HMCN2: variants seen among roughly 807,000 people sequenced by gnomAD.
HMCN2 encodes hemicentin-2.
In HMCN2, 325 loss-of-function variants were observed where a neutral mutation model predicts 377.5. That is an observed-to-expected ratio of 0.86 (90% confidence interval 0.79 to 0.94). HMCN2 has a LOEUF of 0.94. HMCN2 is among the 40% of genes least tolerant of loss of function. The pLI, the probability that HMCN2 is intolerant of heterozygous loss-of-function variation, is 0.00. For missense variants in HMCN2, 4,543 were observed against 4,725.3 expected, an observed-to-expected ratio of 0.96 and a Z score of 1.13; for synonymous variants, 2,007 against 2,046.8, an observed-to-expected ratio of 0.98 and a Z score of 0.53.
intron 1 of HMCN2, among the ~76,000 whole-genome samples, chr9:130,277,678 A>G (rs2131242165): frequency 6.6e-6 from 1 of 151,788 alleles, no homozygotes; most frequent in South Asian, 2.1e-4. Flanking sequence ...TAACATCACT[A>G]TTACCACCAT....
At chr9:130,268,393 G>C (rs989700554) in intron 1 of HMCN2, among the ~76,000 whole-genome samples, 1 of 124,424 alleles carries the variant, frequency 8.0e-6, no homozygotes, top group Admixed American at 7.7e-5. Flanking sequence ...AGACGTCGGG[G>C]AGACTTCAGC....
intron 22 of HMCN2, among the ~76,000 whole-genome samples, chr9:130,329,284 T>C (rs1422757861): frequency 1.3e-5 from 2 of 152,200 alleles, no homozygotes; most frequent in African/African-American, 4.8e-5. Context: ...CTCAATGTCT[T>C]CCAGGTTCAT....
In HMCN2 at chr9:130,428,281, A is replaced by G; in HGVS notation, c.14066-77A>G. The G allele has an allele frequency of 7.0e-7, 1 of 1,435,632 alleles. No individual in the cohort carries two copies. The highest frequency in any genetic ancestry group is 9.2e-7 in the Non-Finnish European group (1 of 1,087,780). The allele number at this position is 1,435,632 out of a possible 1,614,324, so 88.9% of individuals were successfully genotyped here. A position where few individuals can be genotyped will look rare whatever the true frequency, so the allele number is the denominator to read the frequency against. Reference sequence around the variant, plus strand: ...GCCTGCGGACGAAGCCTCTGTGGATAGGCCGGGCCAGGGTCAGGTGGCGAG... The same window carrying G: ...GCCTGCGGACGAAGCCTCTGTGGATGGGCCGGGCCAGGGTCAGGTGGCGAG... On this transcript the variant is annotated intron_variant, in intron 92 of 97. Transcript: ENST00000683500. The surrounding 1 kb of genome is among the most constrained non-coding windows in gnomAD (Gnocchi z 5.0).
At chr9:130,344,476 G>A (rs1052516165) in intron 25 of HMCN2, among the ~76,000 whole-genome samples, 1 of 151,026 alleles carries the variant, frequency 6.6e-6, no homozygotes, top group African/African-American at 2.4e-5. Context: ...TGTGTGTGTG[G>A]TGTGCATGGT....
chr9:130,409,961 A>C (rs1843327174), intron 84 of HMCN2, among the ~76,000 whole-genome samples: 1 of 152,202 alleles, frequency 6.6e-6, no homozygotes, highest in Non-Finnish European at 1.5e-5. Flanking sequence ...GATGTGAGCC[A>C]GCGCGCCACC....
At chr9:130,379,817 A>C (rs540835147) in intron 54 of HMCN2, among the ~76,000 whole-genome samples, 1 of 152,316 alleles carries the variant, frequency 6.6e-6, no homozygotes, top group Admixed American at 6.5e-5. Flanking sequence ...TGGGCATTGA[A>C]GGGCACACTG....
At position 130,418,969 on chromosome 9, in the gene HMCN2, G is replaced by A; in HGVS notation, c.13159G>A (p.Ala4387Thr). ...GCTGGAGAACGTGGAGACTGGGGAT[G>A]CAGGCACCTACGACTGCGTCGCTCA... ...LWLENVETGD[A>T]GTYDCVAHNL... The change falls in exon 86 of 98, where the codon GCA (alanine) becomes ACA (threonine). Residue 4387 changes from alanine to threonine, a missense_variant. Coordinates refer to ENST00000683500, the MANE Select transcript of HMCN2 (RefSeq NM_001291815.2). 6.5e-7 allele frequency: 1 copy of A among 1,528,360 alleles called. No homozygotes were observed. The highest frequency in any genetic ancestry group is 8.8e-7 in the Non-Finnish European group (1 of 1,135,100). The allele number at this position is 1,528,360 out of a possible 1,614,324, so 94.7% of individuals were successfully genotyped here.
chr9:130,348,423 G>C, intron 26 of HMCN2, 122 bp from the exon 27 acceptor site: 1 of 1,216,938 alleles, frequency 8.2e-7, no homozygotes, highest in Non-Finnish European at 1.1e-6. Context: ...CTGGGCGGAC[G>C]GGGACAGGCA....
intron 94 of HMCN2, 153 bp downstream of exon 94, chr9:130,429,838 T>C: frequency 7.3e-7 from 1 of 1,364,182 alleles, no homozygotes; most frequent in Non-Finnish European, 9.6e-7. Context: ...GCGCCAGTGC[T>C]GTTGAGTTCT....
At chr9:130,363,843 GAGAGAA>G (rs1396167847) in intron 40 of HMCN2, among the ~76,000 whole-genome samples, 2 of 140,886 alleles carry the variant, frequency 1.4e-5, no homozygotes, top group African/African-American at 5.2e-5. Flanking sequence ...AAGAAAGAAA[GAGAGAA>G]AAAGAGAGAG....
rs780628746 is a variant in HMCN2, at chr9:130,351,399, CT to C, written c.4431-20del. On this transcript the variant is annotated intron_variant, in intron 29 of 97. Coordinates refer to ENST00000683500, the MANE Select transcript of HMCN2 (RefSeq NM_001291815.2). The surrounding 1 kb of genome is among the most constrained non-coding windows in gnomAD (Gnocchi z 5.4). Reference sequence around the variant, plus strand: ...ATCCAGCCCCTCGGCCTTACTGGCGCTTTTCCCTTGCCCGTCTCTCCAGGCC... The same window carrying C: ...ATCCAGCCCCTCGGCCTTACTGGCGCTTTCCCTTGCCCGTCTCTCCAGGCC... 8.5e-6 allele frequency: 11 copies of C among 1,292,778 alleles called. No homozygotes were observed. The highest frequency in any genetic ancestry group is 1.1e-5 in the Non-Finnish European group (11 of 980,632). 80.1% of individuals were successfully genotyped at this position (1,292,778 alleles called of 1,614,324 possible). A position where few individuals can be genotyped will look rare whatever the true frequency, so the allele number is the denominator to read the frequency against.
chr9:130,383,137 A>G (rs1233843286), intron 56 of HMCN2, among the ~76,000 whole-genome samples: 3 of 152,080 alleles, frequency 2.0e-5, no homozygotes, highest in African/African-American at 7.2e-5. Context: ...CCGCGGGATC[A>G]CCAGCTGGCG....
intron 56 of HMCN2, among the ~76,000 whole-genome samples, 162 bp from the exon 57 acceptor site, chr9:130,383,342 G>A (rs548785045): frequency 2.6e-5 from 4 of 152,256 alleles, no homozygotes; most frequent in Admixed American, 6.5e-5. Context: ...GCTCCTGAGC[G>A]CCACACAAGG....
At chr9:130,356,882 AT>A (rs1321662678) in intron 34 of HMCN2, among the ~76,000 whole-genome samples, 2 of 152,172 alleles carry the variant, frequency 1.3e-5, no homozygotes, top group Non-Finnish European at 2.9e-5. Flanking sequence ...ATAAGGATGC[AT>A]GGATAGATCA....
At chr9:130,373,605 G>GTGGA (rs1161960672) in intron 48 of HMCN2, among the ~76,000 whole-genome samples, 1 of 77,534 alleles carries the variant, frequency 1.3e-5, no homozygotes, top group Non-Finnish European at 2.4e-5. Context: ...GGGTGGGTGG[G>GTGGA]TGGATGGATG....
At chr9:130,284,527 C>T (rs1357169783) in intron 1 of HMCN2, 76 bp from the exon 2 acceptor site, 7 of 465,306 alleles carry the variant, frequency 1.5e-5, no homozygotes, top group East Asian at 1.4e-4. Flanking sequence ...ATCCTCATGT[C>T]GCCGACAAAC....
At chr9:130,430,918 T>C in intron 95 of HMCN2, 1 of 417,888 alleles carries the variant, frequency 2.4e-6, no homozygotes, top group South Asian at 4.1e-5. Context: ...CTCTTAGCAC[T>C]CAGAGGGAAA....
At chr9:130,278,525 C>T (rs188431938) in intron 1 of HMCN2, among the ~76,000 whole-genome samples, 1 of 152,300 alleles carries the variant, frequency 6.6e-6, no homozygotes, top group East Asian at 1.9e-4. Flanking sequence ...GAAAAGTGTT[C>T]TTCCAAAATT....
rs917335482 is a variant in HMCN2, at chr9:130,317,839, C to T, written c.2351-1656C>T. Reference sequence around the variant, plus strand: ...AAACCAGAGTCAGGAGACAAAGCAGCGCTGTTTGGGGCTAAGGAGGGCAGG... The same window carrying T: ...AAACCAGAGTCAGGAGACAAAGCAGTGCTGTTTGGGGCTAAGGAGGGCAGG... On this transcript the variant is annotated intron_variant, in intron 15 of 97. Transcript: ENST00000683500. 9.2e-5 allele frequency among the ~76,000 whole-genome samples: 14 copies of T among 151,772 alleles called. No homozygotes were observed. In the East Asian group the frequency reaches 2.4e-3, roughly 26 times the overall value.
Sources: gnomAD v4.1 joint callset for allele counts (sites outside exome capture counted in the v4.1 genomes callset) on GRCh38, gnomAD v4.1.1 for gene constraint, Gnocchi (gnomAD v3.1) non-coding constraint, MANE v1.5 for transcripts, NCBI Gene and HGNC (gene_info 2026-07-23, HGNC 2026-07-21) for gene names.